The following ANXA2 variants were observed in gnomAD, a reference collection of about 807,000 sequenced individuals.
ANXA2 encodes the protein annexin A2, also known as annexin II.
A neutral mutation model predicts 47.3 loss-of-function variants in ANXA2; 28 were observed. The ratio of observed to expected loss-of-function variants is 0.59; its 90% CI spans 0.44 to 0.81. The LOEUF is 0.81. Ranked by LOEUF, ANXA2 falls within the 40% of genes least tolerant of loss-of-function variation. ANXA2 has a pLI of 0.00. For synonymous variants in ANXA2, 172 were observed against 155.5 expected (o/e 1.11, Z -0.79); for missense variants, 384 against 414.3 (o/e 0.93, Z 0.64).
At chr15:60,363,423 G>A (rs2062547037) in intron 4 of ANXA2, among the ~76,000 whole-genome samples, 1 of 152,070 alleles carries the variant, frequency 6.6e-6, no homozygotes, top group African/African-American at 2.4e-5. Context: ...CAATCCCAAG[G>A]GCAGAAATAT....
intron 1 of ANXA2, among the ~76,000 whole-genome samples, chr15:60,391,774 A>C (rs1453670938): frequency 6.6e-6 from 1 of 152,172 alleles, no homozygotes; most frequent in Non-Finnish European, 1.5e-5. Flanking sequence ...AATCCATTAA[A>C]AACAGAACCA....
intron 12 of ANXA2, among the ~76,000 whole-genome samples, 173 bp from the exon 13 acceptor site, chr15:60,347,862 A>G (rs576451102): frequency 3.6e-4 from 55 of 152,330 alleles, no homozygotes; most frequent in Middle Eastern, 3.4e-3. Context: ...AACCATTGCC[A>G]GGGAAGCCTC....
At chr15:60,372,794 A>G (rs1298975375) in intron 3 of ANXA2, among the ~76,000 whole-genome samples, 1 of 151,586 alleles carries the variant, frequency 6.6e-6, no homozygotes, top group South Asian at 2.1e-4. Context: ...CCTGGGCCCA[A>G]ATGATCCTCC....
intron 1 of ANXA2, chr15:60,390,283 T>C: frequency 9.5e-7 from 1 of 1,053,864 alleles, no homozygotes; most frequent in South Asian, 2.9e-5. Flanking sequence ...AAATATTTCC[T>C]ACTTCATGTG....
intron 2 of ANXA2, chr15:60,384,228 G>A (rs2062903077): frequency 6.6e-6 from 1 of 152,186 alleles, no homozygotes; most frequent in Non-Finnish European, 1.5e-5. Flanking sequence ...TATTAAGAGT[G>A]CCATCGGTTA....
At chr15:60,347,761 A>G (rs1421475654) in intron 12 of ANXA2, 72 bp from the exon 13 acceptor site, 6 of 1,302,448 alleles carry the variant, frequency 4.6e-6, no homozygotes, top group Non-Finnish European at 6.7e-6. Flanking sequence ...ACACAGAAGT[A>G]GCCTCAACGC....
chr15:60,386,045 G>C lies in ANXA2; in HGVS notation c.31C>G (p.Leu11Val). Reference sequence around the variant, plus strand: ...ATACTTACATCACCCTCCAAGCTGAGCTTGCACAGGATTTCGTGAACAGTA... The same window carrying C: ...ATACTTACATCACCCTCCAAGCTGACCTTGCACAGGATTTCGTGAACAGTA... MSTVHEILCK[L>V]SLEGDHSTPP... The change falls in exon 2 of 13, where the codon CTC becomes GTC. Residue 11 changes from leucine (L) to valine (V), a missense_variant. Transcript: ENST00000451270. The C allele has an allele frequency of 6.2e-7, 1 of 1,612,694 alleles. No individual in the cohort carries two copies. The highest frequency in any genetic ancestry group is 8.5e-7 in the Non-Finnish European group (1 of 1,179,362).
Position 60,372,788 on chromosome 15 carries a change from G to A in ANXA2, c.149-8265C>T, listed in dbSNP as rs116388556. On this transcript the variant is annotated intron_variant, in intron 3 of 12. Transcript: ENST00000451270. ...GGCTCACTGTAGCCTCGACCTCCTG[G>A]GCCCAAATGATCCTCCTGCCTCAAC... Among the ~76,000 whole-genome samples the A allele has an allele frequency of 2.6e-3, 391 of 151,248 alleles. 2 individuals are homozygous for A. The highest frequency in any genetic ancestry group is 9.0e-3 in the African/African-American group (369 of 41,134).
rs2084166809 is a variant in ANXA2 at position 60,375,971 on chromosome 15, C to T, written c.148+6371G>A. On this transcript the variant is annotated intron_variant, in intron 3 of 12. Transcript: ENST00000451270. ...TGAGGTGGGGAGGAAGGAGGCTACACGCTCCTCAAAGAACAAAGGCAGAGG... is the reference window on the plus strand; with the variant it reads ...TGAGGTGGGGAGGAAGGAGGCTACATGCTCCTCAAAGAACAAAGGCAGAGG... Among the ~76,000 whole-genome samples the T allele has an allele frequency of 2.0e-5, 3 of 152,136 alleles. No individual in the cohort carries two copies. The South Asian group carries it at 6.2e-4, about 32-fold the overall frequency.
At chr15:60,374,234 C>T (rs1333589517) in intron 3 of ANXA2, among the ~76,000 whole-genome samples, 1 of 152,182 alleles carries the variant, frequency 6.6e-6, no homozygotes, top group African/African-American at 2.4e-5. Flanking sequence ...ACCTTGTCTG[C>T]CTTCCATGCA....
intron 4 of ANXA2, chr15:60,362,886 G>C (rs1287797742): frequency 6.6e-6 from 1 of 151,884 alleles, no homozygotes; most frequent in African/African-American, 2.4e-5. Flanking sequence ...CCAAGATCTA[G>C]GTTTTGGGTG....
intron 3 of ANXA2, among the ~76,000 whole-genome samples, chr15:60,366,361 G>A (rs1202649880): frequency 1.3e-5 from 2 of 149,616 alleles, no homozygotes; most frequent in African/African-American, 5.0e-5. Flanking sequence ...GGAAAGTGAG[G>A]AGCGCCTCTT....
intron 1 of ANXA2, chr15:60,390,788 A>G (rs1385651094): frequency 6.3e-6 from 1 of 158,660 alleles, no homozygotes; most frequent in Non-Finnish European, 1.4e-5. Context: ...TCTTCACTCC[A>G]TCAAATCCCC....
chr15:60,385,821 GA>G (rs1331923812), intron 2 of ANXA2: 1 of 505,738 alleles, frequency 2.0e-6, no homozygotes, highest in Non-Finnish European at 3.6e-6. Flanking sequence ...ATTTTAATGT[GA>G]GGCCAAGAAA....
At chr15:60,395,987 CA>C (rs767001849) in intron 1 of ANXA2, 10 of 152,260 alleles carry the variant, frequency 6.6e-5, no homozygotes, top group Non-Finnish European at 1.0e-4. Flanking sequence ...CCTTGCCCAT[CA>C]AGGGCACCTC....
intron 3 of ANXA2, among the ~76,000 whole-genome samples, chr15:60,380,581 A>T (rs1595698744): frequency 6.6e-6 from 1 of 151,324 alleles, no homozygotes; most frequent in Non-Finnish European, 1.5e-5. Context: ...AGGCGGGCGG[A>T]TCACCAGAGG....
Position 60,357,182 on chromosome 15 carries a change from G to C in ANXA2, c.412C>G (p.Gln138Glu). 6.2e-7 allele frequency: 1 copy of C among 1,614,152 alleles called. No homozygotes were observed. ...ACTCTGTTAATTTCCTGCAGCTCCT[G>C]GTTGGTTCTGGAGCAGATGATCTCA... The part of the protein sequence containing the change: ...LIEIICSRTN[Q>E]ELQEINRVYK... Residue 138 changes from glutamine (Q) to glutamate (E), a missense_variant, in exon 6 of 13, where the codon CAG becomes GAG. Physicochemically the swap from Gln to Glu is conservative, Grantham distance 29. Coordinates refer to ENST00000451270, the MANE Select transcript of ANXA2 (RefSeq NM_004039.3).
intron 1 of ANXA2, chr15:60,386,304 T>C: frequency 1.9e-6 from 1 of 520,958 alleles, no homozygotes; most frequent in Non-Finnish European, 3.4e-6. Flanking sequence ...CTAGCCAGTC[T>C]TTCTCTTCCT....
intron 11 of ANXA2, among the ~76,000 whole-genome samples, chr15:60,349,877 C>A (rs1279702745): frequency 2.2e-5 from 2 of 91,758 alleles, no homozygotes; most frequent in African/African-American, 8.5e-5. Context: ...CAGGGGAAGG[C>A]AAGGAGGCAG....
Sources: allele counts gnomAD v4.1 joint callset (sites outside exome capture counted in the v4.1 genomes callset), GRCh38; gene constraint gnomAD v4.1.1; transcripts MANE v1.5; gene names NCBI Gene and HGNC (gene_info 2026-07-23, HGNC 2026-07-21).